POLN: variants seen among roughly 807,000 people sequenced by gnomAD.
POLN encodes the protein DNA polymerase nu, also known as DNA polymerase N.
Under a neutral mutation model 113.5 loss-of-function variants are expected in POLN, and 108 were observed. That is an observed-to-expected ratio of 0.95 (90% CI 0.81 to 1.12). The LOEUF (loss-of-function observed/expected upper bound fraction) is 1.12. Ranked by LOEUF, POLN falls within the 50% of genes most tolerant of loss-of-function variation. The pLI, the probability that POLN is intolerant of heterozygous loss-of-function variation, is 0.00. For missense variants in POLN, 1,097 were observed against 1,077.1 expected, an observed-to-expected ratio of 1.02 and a Z score of -0.26; for synonymous variants, 386 against 391.5, an observed-to-expected ratio of 0.99 and a Z score of 0.17.
In POLN at chr4:2,179,468, G is replaced by T; in HGVS notation, c.1022-3C>A. 6.2e-7 allele frequency: 1 copy of T among 1,611,822 alleles called. No homozygotes were observed. Among genetic ancestry groups the T allele is most frequent in the Non-Finnish European group, 8.5e-7 (1 of 1,179,252 alleles). On this transcript the variant is annotated splice_region_variant and splice_polypyrimidine_tract_variant and intron_variant, in intron 7 of 25. Transcript: ENST00000511885. Reference sequence around the variant, plus strand: ...ATCTAGCCCTATAAAATCAGCAACTGAAGAGAAAAAGGTCATTCAGTCATC... The same window carrying T: ...ATCTAGCCCTATAAAATCAGCAACTTAAGAGAAAAAGGTCATTCAGTCATC...
At chr4:2,148,465 G>A (rs1732204855) in intron 16 of POLN, among the ~76,000 whole-genome samples, 1 of 152,158 alleles carries the variant, frequency 6.6e-6, no homozygotes, top group South Asian at 2.1e-4. Context: ...TCAGGAATTT[G>A]AGACCAGCCT....
chr4:2,073,019 C>T lies in POLN; in HGVS notation c.2466G>A (p.Arg822=). Residue 822 remains arginine (R), a synonymous_variant, in exon 25 of 26, where the codon AGG becomes AGA. Coordinates refer to ENST00000511885, the MANE Select transcript of POLN (RefSeq NM_181808.4). ...CCTGTTCCAAGGACTCCATGGTCCTCCTGACGAGAGCTAGAGTGCGGAAGA... is the reference window on the plus strand; with the variant it reads ...CCTGTTCCAAGGACTCCATGGTCCTTCTGACGAGAGCTAGAGTGCGGAAGA... ...PQIPECAALV[R]RTMESLEQVQ... 2 of 1,613,522 alleles carry T rather than the reference C, an allele frequency of 1.2e-6. No homozygotes were observed. The highest frequency in any genetic ancestry group is 1.7e-6 in the Non-Finnish European group (2 of 1,179,942).
rs532901395 is a variant in POLN at position 2,124,458 on chromosome 4, T to G, written c.1982+3655A>C. Among the ~76,000 whole-genome samples the G allele has an allele frequency of 1.1e-4, 17 of 152,180 alleles. No individual in the cohort carries two copies. The East Asian group carries it at 1.9e-3, about 17-fold the overall frequency. On this transcript the variant is annotated intron_variant, in intron 19 of 25. Transcript: ENST00000511885. ...GGCTAATTTAAAAAAAAATTTTTTT[T>G]GTAGAGATGGGAGTCTTGCCATGTT...
chr4:2,186,966 G>C (rs999195243), intron 7 of POLN, among the ~76,000 whole-genome samples: 1 of 152,150 alleles, frequency 6.6e-6, no homozygotes, highest in South Asian at 2.1e-4. Flanking sequence ...AAATATATTT[G>C]CTGAACTGAA....
intron 8 of POLN, 34 bp downstream of exon 8, chr4:2,179,274 T>G: frequency 6.3e-7 from 1 of 1,578,080 alleles, no homozygotes; most frequent in Non-Finnish European, 8.6e-7. Flanking sequence ...TAGGATGTAT[T>G]AAGGTTGATA....
chr4:2,175,137 T>G (rs1732964291), intron 9 of POLN, among the ~76,000 whole-genome samples: 1 of 152,114 alleles, frequency 6.6e-6, no homozygotes, highest in Admixed American at 6.5e-5. Context: ...AAGCCTAAAT[T>G]TTGTCGAGCT....
intron 13 of POLN, among the ~76,000 whole-genome samples, chr4:2,159,547 G>A (rs1732525100): frequency 4.6e-5 from 7 of 152,176 alleles, no homozygotes; most frequent in Admixed American, 3.9e-4. Context: ...TTCAGGGAGG[G>A]AGTAATGGAT....
intron 23 of POLN, chr4:2,079,321 G>A (rs558817509): frequency 5.7e-6 from 4 of 697,668 alleles, no homozygotes; most frequent in East Asian, 2.7e-4. Flanking sequence ...AGCACAAGCT[G>A]CTCATATCCT....
intron 19 of POLN, among the ~76,000 whole-genome samples, chr4:2,125,581 GT>G (rs1351011025): frequency 6.6e-6 from 1 of 152,162 alleles, no homozygotes; most frequent in Non-Finnish European, 1.5e-5. Context: ...AGCACCTGGG[GT>G]GGGGTAAGAG....
chr4:2,219,356 C>T (rs1553801998), intron 3 of POLN, among the ~76,000 whole-genome samples: 1 of 152,160 alleles, frequency 6.6e-6, no homozygotes, highest in African/African-American at 2.4e-5. Flanking sequence ...GGCGGAAAGA[C>T]AGGAAAAATA....
chr4:2,112,505 C>T (rs1386273393), intron 19 of POLN, among the ~76,000 whole-genome samples: 3 of 152,166 alleles, frequency 2.0e-5, no homozygotes, highest in Non-Finnish European at 4.4e-5. Flanking sequence ...GGGCTAATAT[C>T]CAGAATCTAC....
intron 8 of POLN, 130 bp downstream of exon 8, chr4:2,179,178 T>C: frequency 5.4e-6 from 5 of 929,914 alleles, no homozygotes; most frequent in Non-Finnish European, 8.0e-6. Flanking sequence ...TCACAACTAT[T>C]TGTGCTGAAT....
chr4:2,239,322 A>C (rs1446087282), intron 2 of POLN, among the ~76,000 whole-genome samples: 1 of 152,206 alleles, frequency 6.6e-6, no homozygotes, highest in Non-Finnish European at 1.5e-5. Context: ...AATCATTATT[A>C]ATAGGACACT....
At chr4:2,241,250 T>C (rs866959903) in intron 2 of POLN, among the ~76,000 whole-genome samples, 1 of 152,178 alleles carries the variant, frequency 6.6e-6, no homozygotes. Flanking sequence ...CAGAAACAAT[T>C]AGGCTAGTTC....
intron 2 of POLN, chr4:2,231,054 G>A (rs1320435963): frequency 1.3e-5 from 2 of 152,194 alleles, no homozygotes; most frequent in Non-Finnish European, 2.9e-5. Flanking sequence ...CTGCTCAGCT[G>A]TCTTGTAGAA....
At chr4:2,241,924 C>G in intron 1 of POLN, 127 bp downstream of exon 1, 1 of 985,554 alleles carries the variant, frequency 1.0e-6, no homozygotes, top group Non-Finnish European at 1.2e-6. Context: ...CGGGCAGCTG[C>G]TGGAGCACCT....
At chr4:2,081,341 C>G in intron 22 of POLN, 1 of 710,646 alleles carries the variant, frequency 1.4e-6, no homozygotes, top group African/African-American at 1.8e-5. Context: ...CTCCAGGTCT[C>G]CTAAACCATA....
intron 22 of POLN, 81 bp downstream of exon 22, chr4:2,081,552 G>T: frequency 1.5e-6 from 2 of 1,332,286 alleles, no homozygotes. Flanking sequence ...AACAGTGATC[G>T]GTGGGTGCCA....
chr4:2,191,057 T>C (rs1389937863), intron 7 of POLN, among the ~76,000 whole-genome samples: 7 of 152,222 alleles, frequency 4.6e-5, no homozygotes, highest in South Asian at 4.1e-4. Flanking sequence ...GAGCGATATC[T>C]GCATTCCCAT....
Sources: allele counts gnomAD v4.1 joint callset (sites outside exome capture counted in the v4.1 genomes callset), GRCh38; gene constraint gnomAD v4.1.1; transcripts MANE v1.5; gene names NCBI Gene and HGNC (gene_info 2026-07-23, HGNC 2026-07-21).